The following GRIP1 variants were observed in gnomAD, a reference collection of about 807,000 sequenced individuals.
GRIP1 encodes glutamate receptor interacting protein 1.
GRIP1 carries 45 observed loss-of-function variants against 129.9 expected under a neutral mutation model. That is an observed-to-expected ratio of 0.35 (90% CI 0.27 to 0.44). GRIP1 has a LOEUF of 0.44. Ranked by LOEUF, GRIP1 falls within the 20% of genes least tolerant of loss-of-function variation. The pLI is 1.00. For synonymous variants in GRIP1, 530 were observed against 520.8 expected, an observed-to-expected ratio of 1.02 and a Z score of -0.24; for missense variants, 1,196 against 1,396.8, an observed-to-expected ratio of 0.86 and a Z score of 2.29.
intron 1 of GRIP1, among the ~76,000 whole-genome samples, chr12:66,959,496 T>C (rs1303664984): frequency 1.3e-5 from 2 of 152,204 alleles, no homozygotes; most frequent in Non-Finnish European, 2.9e-5. Flanking sequence ...AGGTTTAATT[T>C]ATGACTCATA....
At chr12:67,065,013 TG>T (rs1271092426) in intron 1 of GRIP1, 12 of 151,048 alleles carry the variant, frequency 7.9e-5, no homozygotes, top group Middle Eastern at 3.2e-3. Flanking sequence ...TTTGGTTTTT[TG>T]TTCTTGCGAT....
chr12:66,350,083 C>T (rs954352008), intron 24 of GRIP1, among the ~76,000 whole-genome samples: 3 of 152,096 alleles, frequency 2.0e-5, no homozygotes, highest in Admixed American at 6.6e-5. Context: ...GCTCGTGACA[C>T]CTCCTCACCC....
chr12:66,381,770 A>AG, intron 19 of GRIP1, among the ~76,000 whole-genome samples: 1 of 152,228 alleles, frequency 6.6e-6, no homozygotes, highest in South Asian at 2.1e-4. Flanking sequence ...AGGCATGTGT[A>AG]TCTCTAATAA....
chr12:66,559,856 A>C lies in GRIP1; in HGVS notation c.137-17906T>G, dbSNP rs149827422. On this transcript the variant is annotated intron_variant, in intron 2 of 24. Transcript: ENST00000359742. ...TATATGGACCCACAAAAGACCCAGA[A>C]TAGCCAAAAGTATCCTGAGGAAAAA... Among the ~76,000 whole-genome samples the C allele has an allele frequency of 1.0e-3, 157 of 152,250 alleles. 1 individual carries two copies. Among genetic ancestry groups the C allele is most frequent in the African/African-American group, 3.5e-3 (147 of 41,578 alleles).
At chr12:66,566,670 A>C (rs1344325221) in intron 2 of GRIP1, among the ~76,000 whole-genome samples, 1 of 152,018 alleles carries the variant, frequency 6.6e-6, no homozygotes, top group Non-Finnish European at 1.5e-5. Context: ...CTCTTTTTCT[A>C]TTGATTGAAA....
intron 23 of GRIP1, among the ~76,000 whole-genome samples, chr12:66,356,257 C>G (rs1487422334): frequency 1.3e-5 from 2 of 152,170 alleles, no homozygotes; most frequent in African/African-American, 4.8e-5. Context: ...GCTTGTGGAG[C>G]AGATCATATA....
intron 1 of GRIP1, among the ~76,000 whole-genome samples, chr12:66,771,485 C>T (rs1157400431): frequency 6.6e-6 from 1 of 152,204 alleles, no homozygotes; most frequent in Admixed American, 6.5e-5. Flanking sequence ...TAAAGTAATG[C>T]CCATATGTTG....
At chr12:66,901,777 G>A (rs1027062670) in intron 1 of GRIP1, among the ~76,000 whole-genome samples, 3 of 152,134 alleles carry the variant, frequency 2.0e-5, no homozygotes, top group Non-Finnish European at 2.9e-5. Context: ...CAAGAGACAC[G>A]GAGCAACAGG....
intron 1 of GRIP1, among the ~76,000 whole-genome samples, chr12:66,632,918 G>A (rs979495835): frequency 6.6e-6 from 1 of 152,118 alleles, no homozygotes; most frequent in African/African-American, 2.4e-5. Context: ...TTATAAAGAA[G>A]AAAATTGAAG....
intron 1 of GRIP1, among the ~76,000 whole-genome samples, chr12:66,721,271 G>C (rs1195163724): frequency 6.6e-6 from 1 of 151,916 alleles, no homozygotes; most frequent in Non-Finnish European, 1.5e-5. Flanking sequence ...AGTAGATTTA[G>C]CATAATTCTT....
intron 1 of GRIP1, among the ~76,000 whole-genome samples, chr12:66,695,533 T>A (rs2035126978): frequency 6.6e-6 from 1 of 152,134 alleles, no homozygotes; most frequent in Non-Finnish European, 1.5e-5. Flanking sequence ...TGGGCATAAA[T>A]CTGAAAGCCC....
intron 1 of GRIP1, among the ~76,000 whole-genome samples, chr12:66,980,559 C>T (rs1267853588): frequency 6.6e-6 from 1 of 152,162 alleles, no homozygotes; most frequent in South Asian, 2.1e-4. Context: ...TGCAGTGAGC[C>T]AAGGTCACAC....
At chr12:66,694,973 T>G (rs1430519270) in intron 1 of GRIP1, among the ~76,000 whole-genome samples, 1 of 152,228 alleles carries the variant, frequency 6.6e-6, no homozygotes, top group Non-Finnish European at 1.5e-5. Context: ...AGCACTAAAG[T>G]CTTACTGATA....
intron 1 of GRIP1, among the ~76,000 whole-genome samples, chr12:66,982,317 G>T (rs2042251050): frequency 6.6e-6 from 1 of 152,188 alleles, no homozygotes; most frequent in Admixed American, 6.5e-5. Context: ...GACTCCTGTG[G>T]TAGGCAACTT....
At chr12:66,706,216 A>G (rs2035523426) in intron 1 of GRIP1, among the ~76,000 whole-genome samples, 1 of 152,316 alleles carries the variant, frequency 6.6e-6, no homozygotes, top group East Asian at 1.9e-4. Context: ...CAAGAAAAAG[A>G]CAACCCCATC....
At chr12:66,571,756 C>T (rs1421247240) in intron 2 of GRIP1, among the ~76,000 whole-genome samples, 2 of 152,104 alleles carry the variant, frequency 1.3e-5, no homozygotes, top group East Asian at 3.9e-4. Flanking sequence ...TGGGAAATTG[C>T]CTGAATTAAC....
At chr12:66,851,462 G>T (rs886492203) in intron 1 of GRIP1, among the ~76,000 whole-genome samples, 8 of 152,044 alleles carry the variant, frequency 5.3e-5, no homozygotes, top group African/African-American at 1.9e-4. Flanking sequence ...AATTTATATA[G>T]CCTTTTTATA....
intron 1 of GRIP1, among the ~76,000 whole-genome samples, chr12:66,719,163 A>T (rs2035983625): frequency 6.6e-6 from 1 of 152,182 alleles, no homozygotes; most frequent in Non-Finnish European, 1.5e-5. Context: ...AGCTAAAGAT[A>T]ATAGAAGAGC....
At chr12:67,038,203 G>C (rs2043127127) in intron 1 of GRIP1, among the ~76,000 whole-genome samples, 1 of 152,172 alleles carries the variant, frequency 6.6e-6, no homozygotes, top group African/African-American at 2.4e-5. Context: ...AGACAATGGA[G>C]AAAGGGAAGA....
Sources: allele counts gnomAD v4.1 joint callset (sites outside exome capture counted in the v4.1 genomes callset), GRCh38; gene constraint gnomAD v4.1.1; transcripts MANE v1.5; gene names NCBI Gene and HGNC (gene_info 2026-07-23, HGNC 2026-07-21).